Variants in GABRB2 observed in about 807,000 individuals in gnomAD.
The protein encoded by GABRB2 is gamma-aminobutyric acid type A receptor subunit beta2.
GABRB2 carries 16 observed loss-of-function variants against 54.7 expected under a neutral mutation model. The ratio of observed to expected loss-of-function variants is 0.29; its 90% CI spans 0.20 to 0.44. The LOEUF is 0.44. Among genes scored for constraint, GABRB2 ranks in the 20% least tolerant of loss-of-function variants. GABRB2 has a pLI of 1.00. For synonymous variants in GABRB2, 244 were observed against 233.8 expected, an observed-to-expected ratio of 1.04 and a Z score of -0.40; for missense variants, 355 against 644.0, an observed-to-expected ratio of 0.55 and a Z score of 4.86.
chr5:161,517,970 G>A (rs1486153343), intron 3 of GABRB2, among the ~76,000 whole-genome samples: 3 of 151,894 alleles, frequency 2.0e-5, no homozygotes, highest in Non-Finnish European at 4.4e-5. Flanking sequence ...CACCACGCCC[G>A]GCTAATTTTT....
upstream of GABRB2, among the ~76,000 whole-genome samples, chr5:161,547,582 G>A (rs893004563): frequency 2.0e-5 from 3 of 152,042 alleles, no homozygotes; most frequent in African/African-American, 7.2e-5. Context: ...AGGGGAGGGG[G>A]GCGAGGGGAG....
chr5:161,506,184 A>T (rs370198650), intron 3 of GABRB2, among the ~76,000 whole-genome samples: 1 of 152,152 alleles, frequency 6.6e-6, no homozygotes, highest in South Asian at 2.1e-4. Context: ...AACACTAAAA[A>T]TTCAACATAC....
At chr5:161,336,554 G>C in intron 6 of GABRB2, 78 bp downstream of exon 6, 1 of 1,499,450 alleles carries the variant, frequency 6.7e-7, no homozygotes, top group Non-Finnish European at 9.1e-7. Context: ...CCCTGGGACA[G>C]AACTCTAATA....
At chr5:161,374,662 T>G (rs1013959976) in intron 5 of GABRB2, among the ~76,000 whole-genome samples, 3 of 152,208 alleles carry the variant, frequency 2.0e-5, no homozygotes, top group African/African-American at 7.2e-5. Flanking sequence ...ATACCTAACT[T>G]CCTTCTGTTC....
In GABRB2 at chr5:161,438,911, A is replaced by T. The variant is rs1757384286; in HGVS notation, c.458+20713T>A. Among the ~76,000 whole-genome samples the T allele has an allele frequency of 2.0e-5, 3 of 152,142 alleles. No homozygotes were observed. The South Asian group carries it at 6.2e-4, about 32-fold the overall frequency. ...TGACATATGCCTACAGGATCTCTCA[A>T]ACAGCCTAAAAAGGGCAAATCTAAG... On this transcript the variant is annotated intron_variant, in intron 4 of 9. Coordinates refer to ENST00000393959, the MANE Select transcript of GABRB2 (RefSeq NM_001371727.1).
At chr5:161,404,450 G>A (rs1756288873) in intron 5 of GABRB2, among the ~76,000 whole-genome samples, 1 of 151,688 alleles carries the variant, frequency 6.6e-6, no homozygotes, top group Non-Finnish European at 1.5e-5. Flanking sequence ...ATATTTATCA[G>A]CTTCATTATG....
At chr5:161,455,584 G>A (rs562603597) in intron 4 of GABRB2, among the ~76,000 whole-genome samples, 7 of 146,670 alleles carry the variant, frequency 4.8e-5, no homozygotes, top group East Asian at 2.0e-4. Context: ...AGGCTGTAGC[G>A]CAGTGGCATG....
At chr5:161,323,611 T>C (rs1022712510) in intron 9 of GABRB2, among the ~76,000 whole-genome samples, 12 of 152,172 alleles carry the variant, frequency 7.9e-5, no homozygotes, top group African/African-American at 2.9e-4. Context: ...CTATTTTATT[T>C]TTCTATTGAC....
In GABRB2 at chr5:161,520,450, T is replaced by C. The variant is rs139240339; in HGVS notation, c.237+24777A>G. Among the ~76,000 whole-genome samples, 1,064 of 152,206 alleles carry C rather than the reference T, an allele frequency of 7.0e-3. 9 individuals are homozygous for C. The highest frequency in any genetic ancestry group is 0.02 in the Middle Eastern group (6 of 294). On this transcript the variant is annotated intron_variant, in intron 3 of 9. Coordinates refer to ENST00000393959, the MANE Select transcript of GABRB2 (RefSeq NM_001371727.1). ...ACCATGTAGTTACAAAATAAAATGA[T>C]CCTATTTTTTATTTTAGTCTGTTCA... is the stretch of plus-strand genomic sequence containing the variant.
intron 3 of GABRB2, among the ~76,000 whole-genome samples, chr5:161,488,703 T>C (rs1181087375): frequency 6.6e-6 from 1 of 151,770 alleles, no homozygotes; most frequent in Non-Finnish European, 1.5e-5. Context: ...CATTCAATAG[T>C]CACTACACCA....
intron 6 of GABRB2, among the ~76,000 whole-genome samples, chr5:161,335,506 A>G (rs942165747): frequency 5.3e-5 from 8 of 152,198 alleles, no homozygotes; most frequent in Non-Finnish European, 8.8e-5. Flanking sequence ...ACAACTAAAG[A>G]ATCAGCTTCC....
intron 3 of GABRB2, among the ~76,000 whole-genome samples, chr5:161,540,341 C>T (rs1167510726): frequency 6.6e-6 from 1 of 152,218 alleles, no homozygotes; most frequent in East Asian, 1.9e-4. Context: ...GAAGTTTGAT[C>T]ATGAGATTGC....
intron 9 of GABRB2, among the ~76,000 whole-genome samples, chr5:161,303,191 G>C (rs752764903): frequency 1.4e-4 from 21 of 152,170 alleles, no homozygotes; most frequent in Admixed American, 3.9e-4. Flanking sequence ...TAGGTAAGTT[G>C]TAAAACAATA....
At chr5:161,424,422 C>A (rs1756938756) in intron 4 of GABRB2, among the ~76,000 whole-genome samples, 1 of 152,106 alleles carries the variant, frequency 6.6e-6, no homozygotes, top group African/African-American at 2.4e-5. Context: ...GTAGGGCTCA[C>A]TTACCATTCC....
At chr5:161,526,419 T>G (rs1760282869) in intron 3 of GABRB2, among the ~76,000 whole-genome samples, 1 of 151,476 alleles carries the variant, frequency 6.6e-6, no homozygotes, top group Non-Finnish European at 1.5e-5. Flanking sequence ...ACACACATTG[T>G]GTCAGTTAAG....
intron 3 of GABRB2, among the ~76,000 whole-genome samples, chr5:161,527,584 C>G (rs1760322355): frequency 6.6e-6 from 1 of 151,306 alleles, no homozygotes; most frequent in Admixed American, 6.6e-5. Context: ...GTGATATAGG[C>G]TCAATAGCCT....
At chr5:161,398,859 T>C (rs1244440034) in intron 5 of GABRB2, among the ~76,000 whole-genome samples, 2 of 152,086 alleles carry the variant, frequency 1.3e-5, no homozygotes, top group African/African-American at 2.4e-5. Context: ...CCAGCTAATT[T>C]TTGTATTTTT....
At chr5:161,359,511 C>G (rs1195171466) in intron 5 of GABRB2, among the ~76,000 whole-genome samples, 4 of 151,794 alleles carry the variant, frequency 2.6e-5, no homozygotes, top group South Asian at 2.1e-4. Flanking sequence ...ATTTCTTTCC[C>G]TCAGGGTATA....
chr5:161,394,995 C>T (rs538897142), intron 5 of GABRB2, among the ~76,000 whole-genome samples: 63 of 152,142 alleles, frequency 4.1e-4, no homozygotes, highest in African/African-American at 1.4e-3. Context: ...TGTAAAATGA[C>T]AATCTATAAT....
Sources: gnomAD v4.1 joint callset for allele counts (sites outside exome capture counted in the v4.1 genomes callset) on GRCh38, gnomAD v4.1.1 for gene constraint, MANE v1.5 for transcripts, NCBI Gene and HGNC (gene_info 2026-07-23, HGNC 2026-07-21) for gene names.